MAP4: variants seen among roughly 807,000 people sequenced by gnomAD.
The protein encoded by MAP4 is microtubule-associated protein 4.
Under a neutral mutation model 170.2 loss-of-function variants are expected in MAP4, and 76 were observed. The ratio of observed to expected loss-of-function variants is 0.45; its 90% confidence interval spans 0.37 to 0.54. MAP4 has a LOEUF of 0.54. MAP4 is among the 20% of genes least tolerant of loss of function. The pLI is 0.00. For missense variants in MAP4, 2,506 were observed against 2,748.0 expected (o/e 0.91, Z 1.97); for synonymous variants, 909 against 994.5 (o/e 0.91, Z 1.62).
chr3:47,891,282 T>A (rs1350128999), intron 10 of MAP4: 1 of 1,536,278 alleles, frequency 6.5e-7, no homozygotes, highest in Non-Finnish European at 8.7e-7. Context: ...TTGCTGCTGC[T>A]GTTGCTGAAG....
At chr3:48,080,311 T>C (rs545086922) in intron 1 of MAP4, among the ~76,000 whole-genome samples, 1 of 152,360 alleles carries the variant, frequency 6.6e-6, no homozygotes, top group Non-Finnish European at 1.5e-5. Context: ...GAATCACCTA[T>C]TATGTGAAAC....
chr3:47,967,728 G>A (rs1226527320), intron 3 of MAP4, among the ~76,000 whole-genome samples: 1 of 152,238 alleles, frequency 6.6e-6, no homozygotes, highest in Non-Finnish European at 1.5e-5. Flanking sequence ...TTGGGAGGCC[G>A]AGGTGGGAAG....
chr3:48,012,968 GTTGT>G (rs999173198), intron 1 of MAP4, among the ~76,000 whole-genome samples: 353 of 27,046 alleles, frequency 0.013, 1 homozygote, highest in East Asian at 0.039. Flanking sequence ...TTAAAGTACT[GTTGT>G]TTTTTTTTTC....
intron 3 of MAP4, among the ~76,000 whole-genome samples, chr3:47,976,444 C>G (rs1328751919): frequency 1.3e-5 from 2 of 152,190 alleles, no homozygotes; most frequent in Non-Finnish European, 2.9e-5. Flanking sequence ...TCCACTCTTT[C>G]AACTGCCTAA....
chr3:48,057,074 C>A (rs1266405146), intron 1 of MAP4, among the ~76,000 whole-genome samples: 1 of 150,874 alleles, frequency 6.6e-6, no homozygotes, highest in African/African-American at 2.4e-5. Flanking sequence ...AAGTGAGGAG[C>A]CCCTCTGCCC....
intron 10 of MAP4, chr3:47,891,486 G>A (rs1362911763): frequency 5.3e-6 from 8 of 1,517,298 alleles, no homozygotes; most frequent in Non-Finnish European, 1.8e-6. Flanking sequence ...GGGCTACTAG[G>A]GGGAGGCAGC....
At chr3:48,051,768 T>A (rs1269902306) in intron 1 of MAP4, among the ~76,000 whole-genome samples, 1 of 152,240 alleles carries the variant, frequency 6.6e-6, no homozygotes, top group Non-Finnish European at 1.5e-5. Flanking sequence ...TATTCCAGAC[T>A]AGACTAAACT....
At chr3:47,930,124 G>A (rs143165765) in intron 3 of MAP4, among the ~76,000 whole-genome samples, 191 of 152,052 alleles carry the variant, frequency 1.3e-3, no homozygotes, top group Admixed American at 6.0e-3. Context: ...GAGTGAGACT[G>A]CGTCTCAAAA....
chr3:48,031,906 C>T (rs2100116342), intron 1 of MAP4, among the ~76,000 whole-genome samples: 1 of 151,900 alleles, frequency 6.6e-6, no homozygotes, highest in Admixed American at 6.6e-5. Flanking sequence ...CACACACACA[C>T]ACACAGACAT....
intron 7 of MAP4, 41 bp from the exon 8 acceptor site, chr3:47,914,980 A>G (rs749193164): frequency 1.2e-6 from 2 of 1,612,300 alleles, no homozygotes; most frequent in Admixed American, 3.3e-5. Flanking sequence ...TCAGAGAAGC[A>G]TGATTTCAGC....
chr3:47,998,756 A>G lies in MAP4; in HGVS notation c.105T>C (p.Asp35=). The G allele has an allele frequency of 1.2e-6, 2 of 1,614,012 alleles. No individual in the cohort carries two copies. Among genetic ancestry groups the G allele is most frequent in the Non-Finnish European group, 1.7e-6 (2 of 1,179,894 alleles). The change falls in exon 2 of 21, where the codon GAT becomes GAC. Residue 35 remains aspartate, a synonymous_variant. Coordinates refer to ENST00000683076, the MANE Select transcript of MAP4 (RefSeq NM_001385682.1). ...TTCCAACAGTTTCTCCCACAACATC[A>G]TCAAAGGCCTCTGCCTCTAGTGTGG... ...FIATLEAEAF[D]DVVGETVGKT...
chr3:47,913,946 T>C (rs1460115197), intron 8 of MAP4, among the ~76,000 whole-genome samples: 1 of 152,200 alleles, frequency 6.6e-6, no homozygotes, highest in Non-Finnish European at 1.5e-5. Context: ...GGAAAGTATC[T>C]TAGAGCAGTA....
chr3:47,911,385 C>T lies in MAP4; in HGVS notation c.3036G>A (p.Glu1012=), dbSNP rs1204519840. The T allele has an allele frequency of 2.0e-6, 3 of 1,535,962 alleles. No individual in the cohort carries two copies. The highest frequency in any genetic ancestry group is 2.4e-5 in the South Asian group (2 of 84,064). ...KLKEFPEGAE[E]DKELKKEAFP... ...AAGCTTCCTTTTTTAGTTCTTTATC[C>T]TCTTCAGCTCCTTCAGGAAACTCCT... is the stretch of plus-strand genomic sequence containing the variant. The change falls in exon 9 of 21, where the codon GAG becomes GAA. Residue 1012 remains glutamate (E), a synonymous_variant. Coordinates refer to ENST00000683076, the MANE Select transcript of MAP4 (RefSeq NM_001385682.1). This position sits in a 1 kb window ranked among gnomAD's most constrained non-coding sequence, Gnocchi z 4.0.
At chr3:47,934,106 G>A (rs544381602) in intron 3 of MAP4, among the ~76,000 whole-genome samples, 2 of 152,314 alleles carry the variant, frequency 1.3e-5, no homozygotes, top group Admixed American at 6.5e-5. Context: ...AAGGCTGACC[G>A]AAGCAACAGA....
chr3:47,852,816 G>C lies in MAP4; in HGVS notation c.*118C>G, dbSNP rs1320395148. The C allele has an allele frequency of 3.2e-6, 5 of 1,550,322 alleles. No homozygotes were observed. In the African/African-American group the frequency reaches 6.8e-5, roughly 21 times the overall value. ...TCTAGTGGACAGCCCGGGAAAGGGGGCCAAGGACCCGGGAGCCCGAGTTGG... is the reference window on the plus strand; with the variant it reads ...TCTAGTGGACAGCCCGGGAAAGGGGCCCAAGGACCCGGGAGCCCGAGTTGG... On this transcript the variant is annotated 3_prime_UTR_variant, in exon 21 of 21. Coordinates refer to ENST00000683076, the MANE Select transcript of MAP4 (RefSeq NM_001385682.1).
chr3:48,087,228 T>G (rs1046084317), intron 1 of MAP4, among the ~76,000 whole-genome samples: 1 of 152,062 alleles, frequency 6.6e-6, no homozygotes, highest in Non-Finnish European at 1.5e-5. Context: ...ATCTTTGGAG[T>G]TGAGAAAAGC....
chr3:47,996,004 T>C (rs1194222581), intron 2 of MAP4, among the ~76,000 whole-genome samples: 1 of 152,186 alleles, frequency 6.6e-6, no homozygotes, highest in African/African-American at 2.4e-5. Context: ...TTTGCAGGAT[T>C]GTCTTCACAG....
intron 1 of MAP4, among the ~76,000 whole-genome samples, chr3:48,056,500 C>T (rs1172440340): frequency 2.5e-5 from 2 of 79,176 alleles, no homozygotes; most frequent in Non-Finnish European, 5.1e-5. Context: ...GGGGGGTCAG[C>T]CCTCCCCCCG....
chr3:47,909,514 CA>C lies in MAP4; in HGVS notation c.4906del (p.Cys1636ValfsTer17). 6.2e-7 allele frequency: 1 copy of C among 1,613,344 alleles called. No homozygotes were observed. Reference sequence around the variant, plus strand: ...TCTATCTTGAGCATTTTGGTCCTCACAAAAACTGAGCTTTTGTGCTTTGTCT... The same window carrying C: ...TCTATCTTGAGCATTTTGGTCCTCACAAAACTGAGCTTTTGTGCTTTGTCT... ...LEDKAQKLSF[C>X]EDQNAQDRNS... On this transcript the variant is annotated frameshift_variant, in exon 9 of 21. Coordinates refer to ENST00000683076, the MANE Select transcript of MAP4 (RefSeq NM_001385682.1). LOFTEE classifies it high-confidence loss of function.
Sources: allele counts gnomAD v4.1 joint callset (sites outside exome capture counted in the v4.1 genomes callset), GRCh38; gene constraint gnomAD v4.1.1; non-coding constraint Gnocchi (gnomAD v3.1); transcripts MANE v1.5; gene names NCBI Gene and HGNC (gene_info 2026-07-23, HGNC 2026-07-21).